The following SEMA5A variants were observed in gnomAD, a reference collection of about 807,000 sequenced individuals.
The protein encoded by SEMA5A is semaphorin 5A, also known as semaphorin-5A.
In SEMA5A, 55 loss-of-function variants were observed where a neutral mutation model predicts 135.5. That is an observed-to-expected ratio of 0.41 (90% CI 0.33 to 0.51). SEMA5A has a LOEUF of 0.51. Ranked by LOEUF, SEMA5A falls within the 20% of genes least tolerant of loss-of-function variation. The probability of loss-of-function intolerance (pLI) is 0.37; values close to 1 mark genes in which losing one functional copy is unlikely to be tolerated. For missense variants in SEMA5A, 1,290 were observed against 1,419.9 expected (o/e 0.91, Z 1.47); for synonymous variants, 580 against 546.5 (o/e 1.06, Z -0.85).
At chr5:9,342,460 A>G (rs1753693179) in intron 3 of SEMA5A, among the ~76,000 whole-genome samples, 1 of 152,332 alleles carries the variant, frequency 6.6e-6, no homozygotes, top group East Asian at 1.9e-4. Flanking sequence ...AGAAAGCAGG[A>G]TTTCAAAAGC....
At chr5:9,113,976 G>A (rs1255243756) in intron 15 of SEMA5A, among the ~76,000 whole-genome samples, 2 of 152,006 alleles carry the variant, frequency 1.3e-5, no homozygotes, top group Non-Finnish European at 2.9e-5. Flanking sequence ...GTTAAAACAG[G>A]GACTTAAATG....
chr5:9,311,235 T>A (rs1752117330), intron 5 of SEMA5A, among the ~76,000 whole-genome samples: 1 of 151,994 alleles, frequency 6.6e-6, no homozygotes, highest in African/African-American at 2.4e-5. Flanking sequence ...CCCCCACCAG[T>A]TGTGACAACT....
At chr5:9,380,212 G>A in intron 2 of SEMA5A, 189 bp from the exon 3 acceptor site, 1 of 423,406 alleles carries the variant, frequency 2.4e-6, no homozygotes, top group Non-Finnish European at 4.3e-6. Flanking sequence ...GCATGCGTGA[G>A]TGCGTGTATC....
chr5:9,107,505 T>C (rs1739985964), intron 16 of SEMA5A, among the ~76,000 whole-genome samples: 1 of 152,130 alleles, frequency 6.6e-6, no homozygotes, highest in South Asian at 2.1e-4. Context: ...GTAGGCCTGA[T>C]ATGGGGATAT....
intron 12 of SEMA5A, among the ~76,000 whole-genome samples, chr5:9,140,519 G>C (rs1176182210): frequency 6.6e-6 from 1 of 152,178 alleles, no homozygotes; most frequent in Non-Finnish European, 1.5e-5. Context: ...GACAGACCCG[G>C]GTGGGGTGAG....
intron 16 of SEMA5A, among the ~76,000 whole-genome samples, chr5:9,074,831 A>C (rs1421123552): frequency 6.6e-6 from 1 of 152,168 alleles, no homozygotes; most frequent in East Asian, 1.9e-4. Flanking sequence ...CCAAACCCAA[A>C]ATCGTGTCAC....
chr5:9,461,394 T>G (rs1759052034), intron 1 of SEMA5A, among the ~76,000 whole-genome samples: 1 of 152,194 alleles, frequency 6.6e-6, no homozygotes, highest in South Asian at 2.1e-4. Flanking sequence ...CTTACAGCAA[T>G]AGCAGTCAGC....
rs1490565788 is a variant in SEMA5A, at chr5:9,343,144, A to T, written c.125-5332T>A. Among the ~76,000 whole-genome samples, 5 of 152,288 alleles carry T rather than the reference A, an allele frequency of 3.3e-5. No homozygotes were observed. The East Asian group carries it at 9.7e-4, about 29-fold the overall frequency. On this transcript the variant is annotated intron_variant, in intron 3 of 22. Coordinates refer to ENST00000382496, the MANE Select transcript of SEMA5A (RefSeq NM_003966.3). Reference sequence around the variant, plus strand: ...TACTACTTTAACCTGTGAATAAAATATTGATTGTTTTTGCCCATGTTAATA... The same window carrying T: ...TACTACTTTAACCTGTGAATAAAATTTTGATTGTTTTTGCCCATGTTAATA...
chr5:9,431,606 C>T (rs1255846352), intron 2 of SEMA5A, among the ~76,000 whole-genome samples: 1 of 152,102 alleles, frequency 6.6e-6, no homozygotes, highest in Non-Finnish European at 1.5e-5. Context: ...GAGGCCTCTC[C>T]AATACTCTGA....
chr5:9,456,888 A>G (rs548608455), intron 1 of SEMA5A, among the ~76,000 whole-genome samples: 1 of 152,284 alleles, frequency 6.6e-6, no homozygotes, highest in South Asian at 2.1e-4. Flanking sequence ...TCAAACAGAG[A>G]GATCAGAAGT....
chr5:9,447,660 T>C (rs1217424408), intron 1 of SEMA5A, among the ~76,000 whole-genome samples: 1 of 152,196 alleles, frequency 6.6e-6, no homozygotes, highest in Non-Finnish European at 1.5e-5. Flanking sequence ...AAAAATCTAA[T>C]TCTGTTCTAT....
At chr5:9,224,508 C>T (rs150350677) in intron 8 of SEMA5A, among the ~76,000 whole-genome samples, 166 bp downstream of exon 8, 3 of 152,232 alleles carry the variant, frequency 2.0e-5, no homozygotes, top group African/African-American at 7.2e-5. Context: ...ACTAAATAGC[C>T]ATATGATATC....
At chr5:9,322,547 T>C (rs757601072) in intron 4 of SEMA5A, among the ~76,000 whole-genome samples, 107 of 152,138 alleles carry the variant, frequency 7.0e-4, no homozygotes, top group Non-Finnish European at 1.2e-3. Flanking sequence ...AAGATAAAAA[T>C]TGGTGATTAT....
intron 3 of SEMA5A, chr5:9,363,287 C>T (rs534530925): frequency 1.9e-4 from 29 of 152,290 alleles, no homozygotes; most frequent in African/African-American, 6.7e-4. Flanking sequence ...GAAGATGGTT[C>T]CTGCCTGAAC....
intron 8 of SEMA5A, among the ~76,000 whole-genome samples, chr5:9,222,482 G>T (rs149619151): frequency 6.6e-6 from 1 of 152,244 alleles, no homozygotes; most frequent in Admixed American, 6.5e-5. Flanking sequence ...GAAGGAGTGT[G>T]GGGGAGGGCG....
intron 12 of SEMA5A, among the ~76,000 whole-genome samples, chr5:9,138,966 A>T (rs1482732971): frequency 6.6e-6 from 1 of 152,196 alleles, no homozygotes; most frequent in African/African-American, 2.4e-5. Context: ...CACCATATAT[A>T]TGTATCACAG....
chr5:9,250,569 A>G, intron 5 of SEMA5A, among the ~76,000 whole-genome samples: 1 of 152,224 alleles, frequency 6.6e-6, no homozygotes, highest in East Asian at 1.9e-4. Flanking sequence ...ACTTTAGTTC[A>G]TTGGTAATAC....
In SEMA5A at chr5:9,192,814, T is replaced by C. The variant is rs370276570; in HGVS notation, c.1069-2343A>G. On this transcript the variant is annotated intron_variant, in intron 10 of 22. Coordinates refer to ENST00000382496, the MANE Select transcript of SEMA5A (RefSeq NM_003966.3). ...TACCCAAGTCACGGCGGCAGTTAGC[T>C]GCCTACCTGCTGGGTGAAGTTTGCA... is the stretch of plus-strand genomic sequence containing the variant. 4.6e-5 allele frequency among the ~76,000 whole-genome samples: 7 copies of C among 152,324 alleles called. 1 individual carries two copies. Among genetic ancestry groups the C allele is most frequent in the African/African-American group, 1.7e-4 (7 of 41,576 alleles).
intron 1 of SEMA5A, among the ~76,000 whole-genome samples, chr5:9,500,522 A>G (rs1381356494): frequency 2.0e-5 from 3 of 152,164 alleles, no homozygotes; most frequent in African/African-American, 7.2e-5. Context: ...TCCAGACATC[A>G]TCCCACTCCA....
Sources: allele counts gnomAD v4.1 joint callset (sites outside exome capture counted in the v4.1 genomes callset), GRCh38; gene constraint gnomAD v4.1.1; transcripts MANE v1.5; gene names NCBI Gene and HGNC (gene_info 2026-07-23, HGNC 2026-07-21).